Variants in PDE4D observed in about 807,000 individuals in gnomAD.
PDE4D encodes the protein 3',5'-cyclic-AMP phosphodiesterase 4D.
A neutral mutation model predicts 87.4 loss-of-function variants in PDE4D; 24 were observed. The observed-to-expected ratio is 0.27, with a 90% CI of 0.20 to 0.39. PDE4D has a LOEUF of 0.39. Ranked by LOEUF, PDE4D falls within the 10% of genes least tolerant of loss-of-function variation. The pLI, the probability that PDE4D is intolerant of heterozygous loss-of-function variation, is 1.00. For synonymous variants in PDE4D, 384 were observed against 383.2 expected, an observed-to-expected ratio of 1.00 and a Z score of -0.02; for missense variants, 714 against 1,041.0, an observed-to-expected ratio of 0.69 and a Z score of 4.32.
chr5:59,705,611 C>A (rs1260786889), intron 1 of PDE4D, among the ~76,000 whole-genome samples: 1 of 152,242 alleles, frequency 6.6e-6, no homozygotes, highest in East Asian at 1.9e-4. Context: ...AAATTAGATG[C>A]TTTTAGCACC....
At chr5:59,295,549 C>A (rs977505359) in intron 1 of PDE4D, among the ~76,000 whole-genome samples, 12 of 152,076 alleles carry the variant, frequency 7.9e-5, no homozygotes, top group Non-Finnish European at 1.2e-4. Context: ...CTGCCTAGTT[C>A]GTAACATCAG....
At chr5:59,998,046 C>T (rs547660593) in intron 2 of PDE4D, among the ~76,000 whole-genome samples, 95 of 152,312 alleles carry the variant, frequency 6.2e-4, no homozygotes, top group African/African-American at 2.3e-3. Flanking sequence ...AAGAATGTCT[C>T]ATGTGGTCTG....
intron 2 of PDE4D, among the ~76,000 whole-genome samples, chr5:59,992,582 T>C (rs1025374491): frequency 3.9e-5 from 6 of 152,212 alleles, no homozygotes; most frequent in African/African-American, 1.4e-4. Flanking sequence ...TTAACATCTT[T>C]TTATAAGCAT....
At chr5:59,361,657 A>G (rs1003013489) in intron 1 of PDE4D, among the ~76,000 whole-genome samples, 1 of 152,128 alleles carries the variant, frequency 6.6e-6, no homozygotes, top group Non-Finnish European at 1.5e-5. Flanking sequence ...TCACATTAGT[A>G]ATGACTTATT....
intron 1 of PDE4D, among the ~76,000 whole-genome samples, chr5:59,779,180 G>T (rs899572679): frequency 1.3e-5 from 2 of 151,824 alleles, no homozygotes; most frequent in African/African-American, 4.8e-5. Context: ...AAAAAAGAAA[G>T]AAATCCTTTG....
intron 1 of PDE4D, among the ~76,000 whole-genome samples, chr5:59,467,660 A>T (rs999447129): frequency 6.6e-6 from 1 of 152,256 alleles, no homozygotes; most frequent in Non-Finnish European, 1.5e-5. Context: ...GGCCATATAA[A>T]AAAGGACTAT....
At chr5:59,827,401 T>A (rs1422666122) in intron 1 of PDE4D, among the ~76,000 whole-genome samples, 1 of 152,146 alleles carries the variant, frequency 6.6e-6, no homozygotes, top group Non-Finnish European at 1.5e-5. Flanking sequence ...GTTGCATCAT[T>A]GAAATGTGTC....
intron 1 of PDE4D, among the ~76,000 whole-genome samples, chr5:59,244,201 C>T (rs1212157445): frequency 6.6e-6 from 1 of 151,780 alleles, no homozygotes; most frequent in Non-Finnish European, 1.5e-5. Context: ...AGTTCAAGAC[C>T]ACCCTGGGCA....
chr5:59,437,944 G>GGCAC (rs1797019290), intron 1 of PDE4D, among the ~76,000 whole-genome samples: 1 of 152,134 alleles, frequency 6.6e-6, no homozygotes, highest in Non-Finnish European at 1.5e-5. Context: ...CATGGCAGAA[G>GGCAC]GCACCTCTTC....
chr5:59,098,933 G>A (rs6890598), intron 5 of PDE4D, among the ~76,000 whole-genome samples: 6,822 of 151,204 alleles, frequency 0.045, 513 homozygotes, highest in African/African-American at 0.16. Flanking sequence ...ACAAACGGGA[G>A]GAGGAGTAAA....
chr5:60,268,582 G>T (rs1345150353), intron 1 of PDE4D, among the ~76,000 whole-genome samples: 10 of 152,196 alleles, frequency 6.6e-5, no homozygotes, highest in Admixed American at 6.5e-4. Context: ...AAAGCTTAAA[G>T]TACTAAGAAT....
chr5:59,259,699 G>A (rs1214227258), intron 1 of PDE4D, among the ~76,000 whole-genome samples: 2 of 151,844 alleles, frequency 1.3e-5, no homozygotes, highest in African/African-American at 2.4e-5. Flanking sequence ...GAGGATGCCA[G>A]AGTAAGTATC....
intron 5 of PDE4D, among the ~76,000 whole-genome samples, chr5:59,115,690 G>A (rs1177900590): frequency 1.3e-5 from 2 of 152,130 alleles, no homozygotes; most frequent in Admixed American, 6.6e-5. Context: ...TAGGGTTGCA[G>A]GCTAAGTTCT....
intron 1 of PDE4D, among the ~76,000 whole-genome samples, chr5:59,433,014 C>T (rs556363779): frequency 2.2e-4 from 34 of 152,104 alleles, no homozygotes; most frequent in African/African-American, 8.2e-4. Context: ...CTAATGACTG[C>T]CAACTAATTG....
At chr5:60,479,684 A>C (rs1748583011) in intron 1 of PDE4D, among the ~76,000 whole-genome samples, 1 of 152,208 alleles carries the variant, frequency 6.6e-6, no homozygotes, top group Non-Finnish European at 1.5e-5. Context: ...CTGCCCTTAC[A>C]GTGTGTGAAA....
chr5:59,531,691 T>A (rs1216198374), intron 1 of PDE4D, among the ~76,000 whole-genome samples: 2 of 152,196 alleles, frequency 1.3e-5, no homozygotes, highest in African/African-American at 4.8e-5. Flanking sequence ...CAAAGTTGCA[T>A]CTGTCTGACC....
chr5:59,539,734 A>G (rs1319655974), intron 1 of PDE4D, among the ~76,000 whole-genome samples: 1 of 152,108 alleles, frequency 6.6e-6, no homozygotes, highest in Non-Finnish European at 1.5e-5. Context: ...TTACCTCTTA[A>G]TTTTTCAAAA....
In PDE4D at chr5:59,413,789, G is replaced by C. The variant is rs1181464506; in HGVS notation, c.456-197821C>G. Among the ~76,000 whole-genome samples, 3 of 152,150 alleles carry C rather than the reference G, an allele frequency of 2.0e-5. No individual in the cohort carries two copies. The South Asian group carries it at 6.2e-4, about 32-fold the overall frequency. ...GAAGGACTCAAACTCTTCAAGTCTA[G>C]AGTCTTCATAGATAAAATAGGGACA... is the stretch of plus-strand genomic sequence containing the variant. On this transcript the variant is annotated intron_variant, in intron 1 of 14. Coordinates refer to ENST00000340635, the MANE Select transcript of PDE4D (RefSeq NM_001104631.2).
intron 1 of PDE4D, among the ~76,000 whole-genome samples, chr5:59,869,149 A>C (rs1747456958): frequency 6.6e-6 from 1 of 152,208 alleles, no homozygotes; most frequent in Non-Finnish European, 1.5e-5. Context: ...ACATTAATGA[A>C]AAAAATCTCA....
Sources: gnomAD v4.1 joint callset for allele counts (sites outside exome capture counted in the v4.1 genomes callset) on GRCh38, gnomAD v4.1.1 for gene constraint, MANE v1.5 for transcripts, NCBI Gene and HGNC (gene_info 2026-07-23, HGNC 2026-07-21) for gene names.